CA10: variants seen among roughly 807,000 people sequenced by gnomAD.
CA10 encodes carbonic anhydrase-related protein 10.
Under a neutral mutation model 44.2 loss-of-function variants are expected in CA10, and 14 were observed. That is an observed-to-expected ratio of 0.32 (90% CI 0.21 to 0.50). The LOEUF (loss-of-function observed/expected upper bound fraction) is 0.50, where lower values mean the gene tolerates loss of function less well. Among genes scored for constraint, CA10 ranks in the 20% least tolerant of loss-of-function variants. The pLI is 0.99. For synonymous variants in CA10, 159 were observed against 141.6 expected, an observed-to-expected ratio of 1.12 and a Z score of -0.87; for missense variants, 350 against 409.7, an observed-to-expected ratio of 0.85 and a Z score of 1.26.
intron 4 of CA10, among the ~76,000 whole-genome samples, chr17:51,708,259 T>C (rs963002061): frequency 6.6e-6 from 1 of 152,160 alleles, no homozygotes; most frequent in Non-Finnish European, 1.5e-5. Flanking sequence ...AGGGCACAGG[T>C]GCTGGATGGC....
At chr17:51,856,420 T>C (rs922222040) in intron 3 of CA10, among the ~76,000 whole-genome samples, 39 of 152,160 alleles carry the variant, frequency 2.6e-4, no homozygotes, top group Non-Finnish European at 4.7e-4. Context: ...ATGCTTTACA[T>C]GAGACCACAA....
chr17:51,707,001 T>C (rs1915782873), intron 4 of CA10, among the ~76,000 whole-genome samples: 1 of 152,228 alleles, frequency 6.6e-6, no homozygotes, highest in South Asian at 2.1e-4. Flanking sequence ...ACAGCGCTTG[T>C]CACTATTTGA....
chr17:52,146,265 A>G (rs1171515043), intron 1 of CA10, among the ~76,000 whole-genome samples: 1 of 152,104 alleles, frequency 6.6e-6, no homozygotes, highest in Non-Finnish European at 1.5e-5. Flanking sequence ...TAAAAAAAAA[A>G]TAAGATGTGG....
chr17:51,808,373 T>C (rs753556917), intron 3 of CA10, among the ~76,000 whole-genome samples: 19 of 148,266 alleles, frequency 1.3e-4, no homozygotes, highest in Admixed American at 4.0e-4. Context: ...CCTATACCAA[T>C]AGAGTTTGGA....
At chr17:52,091,126 G>A (rs1226195492) in intron 1 of CA10, among the ~76,000 whole-genome samples, 1 of 151,928 alleles carries the variant, frequency 6.6e-6, no homozygotes, top group Non-Finnish European at 1.5e-5. Context: ...ATATAAAAAA[G>A]TATATAAAAT....
chr17:51,899,855 A>G (rs1029254346), intron 3 of CA10, among the ~76,000 whole-genome samples: 2 of 149,962 alleles, frequency 1.3e-5, no homozygotes, highest in African/African-American at 5.0e-5. Flanking sequence ...TCTGAAATTA[A>G]TATCAACTCC....
chr17:51,778,674 G>T (rs1205137041), intron 3 of CA10, among the ~76,000 whole-genome samples: 5 of 152,198 alleles, frequency 3.3e-5, no homozygotes, highest in Admixed American at 3.3e-4. Context: ...AACTGGTAAA[G>T]TGCCTACATT....
rs529296831 is a variant in CA10, at chr17:52,115,667, C to G, written c.61+42059G>C. Among the ~76,000 whole-genome samples the G allele has an allele frequency of 3.9e-5, 6 of 152,372 alleles. No individual in the cohort carries two copies. The East Asian group carries it at 9.7e-4, about 25-fold the overall frequency. ...TGGGTGAGCAGCAGCTCCCCGCCCCCCTCCCCTCTCGGTTGGGGCTGGGGC... is the reference window on the plus strand; with the variant it reads ...TGGGTGAGCAGCAGCTCCCCGCCCCGCTCCCCTCTCGGTTGGGGCTGGGGC... On this transcript the variant is annotated intron_variant, in intron 1 of 8. Coordinates refer to ENST00000451037, the MANE Select transcript of CA10 (RefSeq NM_020178.5).
chr17:51,828,417 A>G (rs1178904888), intron 3 of CA10, among the ~76,000 whole-genome samples: 1 of 152,154 alleles, frequency 6.6e-6, no homozygotes, highest in African/African-American at 2.4e-5. Flanking sequence ...TTCTCTGCAT[A>G]CATGTTGATC....
intron 3 of CA10, among the ~76,000 whole-genome samples, chr17:51,772,410 A>C (rs72832665): frequency 0.22 from 33,858 of 152,082 alleles, 4,152 homozygotes; most frequent in Middle Eastern, 0.38. Context: ...TACGAAGCAA[A>C]AAAAAGTGAT....
chr17:51,778,119 C>T (rs1423499479), intron 3 of CA10, among the ~76,000 whole-genome samples: 1 of 152,164 alleles, frequency 6.6e-6, no homozygotes, highest in Non-Finnish European at 1.5e-5. Context: ...GTAAAGAGAG[C>T]TGTCTTGGGT....
At chr17:51,649,978 C>T (rs1913497260) in intron 5 of CA10, among the ~76,000 whole-genome samples, 1 of 97,226 alleles carries the variant, frequency 1.0e-5, no homozygotes, top group African/African-American at 3.4e-5. Context: ...TCCATCCAGC[C>T]AGCCAGTCAG....
chr17:51,935,946 G>T, intron 2 of CA10, among the ~76,000 whole-genome samples: 1 of 152,124 alleles, frequency 6.6e-6, no homozygotes, highest in African/African-American at 2.4e-5. Context: ...TAGAGAAGGT[G>T]TTCCGAAGTT....
chr17:52,048,958 G>C (rs2144205814), intron 2 of CA10, among the ~76,000 whole-genome samples: 1 of 151,478 alleles, frequency 6.6e-6, no homozygotes. Flanking sequence ...AATGATTGAA[G>C]AAAATAAAAA....
At chr17:51,883,619 C>T (rs73989448) in intron 3 of CA10, among the ~76,000 whole-genome samples, 9,760 of 152,110 alleles carry the variant, frequency 0.064, 604 homozygotes, top group African/African-American at 0.17. Flanking sequence ...CTTTCATCTT[C>T]CAGGATACCA....
chr17:51,800,313 G>A (rs1906875210), intron 3 of CA10, among the ~76,000 whole-genome samples: 1 of 152,164 alleles, frequency 6.6e-6, no homozygotes, highest in Non-Finnish European at 1.5e-5. Flanking sequence ...GAGCTAGAAA[G>A]TAGATTAGTG....
chr17:51,861,396 AG>A (rs1979297851), intron 3 of CA10, among the ~76,000 whole-genome samples: 1 of 152,138 alleles, frequency 6.6e-6, no homozygotes, highest in South Asian at 2.1e-4. Context: ...GATGAGAGAG[AG>A]AGAGAAAAAA....
intron 3 of CA10, among the ~76,000 whole-genome samples, chr17:51,798,170 C>T (rs1455765022): frequency 6.6e-6 from 1 of 152,210 alleles, no homozygotes; most frequent in African/African-American, 2.4e-5. Context: ...ATTCATAATA[C>T]AACACATGGA....
intron 4 of CA10, among the ~76,000 whole-genome samples, chr17:51,674,812 A>G (rs769364320): frequency 3.4e-4 from 52 of 152,136 alleles, no homozygotes; most frequent in Non-Finnish European, 7.2e-4. Flanking sequence ...ATTTAATACC[A>G]CCCAGAAGGA....
Sources: gnomAD v4.1 joint callset for allele counts (sites outside exome capture counted in the v4.1 genomes callset) on GRCh38, gnomAD v4.1.1 for gene constraint, MANE v1.5 for transcripts, NCBI Gene and HGNC (gene_info 2026-07-23, HGNC 2026-07-21) for gene names.